The following SYNE2 variants were observed in gnomAD, a reference collection of about 807,000 sequenced individuals.
SYNE2 encodes the protein spectrin repeat containing nuclear envelope protein 2.
In SYNE2, 431 loss-of-function variants were observed where a neutral mutation model predicts 856.3. The observed-to-expected ratio is 0.50, with a 90% CI of 0.47 to 0.55. The LOEUF is 0.55. Among genes scored for constraint, SYNE2 ranks in the 20% least tolerant of loss-of-function variants. The probability of loss-of-function intolerance (pLI) is 0.00; values close to 1 mark genes in which losing one functional copy is unlikely to be tolerated. For synonymous variants in SYNE2, 2,923 were observed against 2,872.3 expected (o/e 1.02, Z -0.56); for missense variants, 8,129 against 8,023.2 (o/e 1.01, Z -0.50).
rs2097513056 is a variant in SYNE2, at chr14:64,080,641, A to G, written c.11346+3A>G. ...GTAGAACCTCACAGTTGAATAAGGT[A>G]TGGCTGTGACTCGTAATAGCTTCAT... On this transcript the variant is annotated splice_donor_region_variant and intron_variant, in intron 56 of 115. Transcript: ENST00000555002. The G allele has an allele frequency of 6.2e-7, 1 of 1,613,854 alleles. No individual in the cohort carries two copies. Among genetic ancestry groups the G allele is most frequent in the Non-Finnish European group, 8.5e-7 (1 of 1,179,900 alleles).
intron 66 of SYNE2, 88 bp from the exon 67 acceptor site, chr14:64,119,339 A>G: frequency 6.5e-7 from 1 of 1,531,826 alleles, no homozygotes; most frequent in South Asian, 1.1e-5. Flanking sequence ...TATACACTTA[A>G]GTAAAAAGAG....
chr14:63,851,488 G>T (rs1275869158), upstream of SYNE2, among the ~76,000 whole-genome samples: 1 of 152,202 alleles, frequency 6.6e-6, no homozygotes, highest in East Asian at 1.9e-4. Flanking sequence ...GATACCATTG[G>T]AAGGATAATC....
At chr14:63,826,888 A>G (rs576084491) in intron 1 of SYNE2, among the ~76,000 whole-genome samples, 5 of 152,328 alleles carry the variant, frequency 3.3e-5, no homozygotes, top group African/African-American at 1.2e-4. Flanking sequence ...TTGAGCTTTA[A>G]AAACTCCCCA....
intron 10 of SYNE2, 116 bp downstream of exon 10, chr14:63,964,116 T>G: frequency 1.4e-6 from 1 of 710,770 alleles, no homozygotes; most frequent in East Asian, 2.8e-5. Flanking sequence ...CACTGAAAGT[T>G]TTAAGGCTGA....
At chr14:64,165,477 T>C in intron 90 of SYNE2, 67 bp downstream of exon 90, 1 of 1,537,476 alleles carries the variant, frequency 6.5e-7, no homozygotes, top group Non-Finnish European at 9.0e-7. Flanking sequence ...ATAAGCTGAT[T>C]ACTGTGAACT....
rs530117378 is a variant in SYNE2 at position 64,183,776 on chromosome 14, C to T, written c.17557-2648C>T. ...CAAAAAAATACGAAAACCAGACAGA[C>T]GTGGTGGCGTGCGCCTGCAATCCCA... On this transcript the variant is annotated intron_variant, in intron 96 of 115. Transcript: ENST00000555002. Among the ~76,000 whole-genome samples the T allele has an allele frequency of 2.6e-5, 4 of 152,116 alleles. No homozygotes were observed. In the South Asian group the frequency reaches 6.2e-4, roughly 24 times the overall value.
chr14:64,135,554 G>T (rs1182520519), intron 78 of SYNE2, among the ~76,000 whole-genome samples: 5 of 152,068 alleles, frequency 3.3e-5, no homozygotes, highest in Admixed American at 2.6e-4. Context: ...GATACAGAAG[G>T]TATCATCTAA....
chr14:63,963,791 G>T, intron 9 of SYNE2, 108 bp from the exon 10 acceptor site: 1 of 726,106 alleles, frequency 1.4e-6, no homozygotes, highest in East Asian at 2.7e-5. Flanking sequence ...TGAATCATTG[G>T]TGTGTAATGA....
chr14:64,141,289 C>A (rs1394601217), intron 80 of SYNE2, 52 bp from the exon 81 acceptor site: 2 of 1,484,024 alleles, frequency 1.3e-6, no homozygotes, highest in African/African-American at 1.4e-5. Flanking sequence ...CCGACTCTTA[C>A]TTTCTGCTAT....
chr14:63,787,357 C>T (rs183103893), intron 1 of SYNE2, among the ~76,000 whole-genome samples: 3 of 152,266 alleles, frequency 2.0e-5, no homozygotes, highest in Admixed American at 6.5e-5. Context: ...CTACTCTTCC[C>T]AGTCTCTGGT....
At chr14:63,973,631 C>CAAAAAAAA (rs60498158) in intron 11 of SYNE2, among the ~76,000 whole-genome samples, 1 of 67,810 alleles carries the variant, frequency 1.5e-5, no homozygotes, top group Non-Finnish European at 2.8e-5. Flanking sequence ...GAGTCCATCT[C>CAAAAAAAA]AAAAAAAAAA....
intron 1 of SYNE2, among the ~76,000 whole-genome samples, chr14:63,825,812 GC>G (rs1378392481): frequency 6.6e-6 from 1 of 152,002 alleles, no homozygotes; most frequent in Non-Finnish European, 1.5e-5. Flanking sequence ...GGAGGCAAAG[GC>G]AGGGAGCCAA....
chr14:64,120,545 C>T (rs2097890301), intron 67 of SYNE2, among the ~76,000 whole-genome samples: 1 of 151,878 alleles, frequency 6.6e-6, no homozygotes, highest in Admixed American at 6.6e-5. Flanking sequence ...AGGCAGATCA[C>T]CTGAGGTCAG....
At chr14:64,110,628 C>A (rs547118043) in intron 65 of SYNE2, among the ~76,000 whole-genome samples, 1 of 126,220 alleles carries the variant, frequency 7.9e-6, no homozygotes, top group South Asian at 2.8e-4. Flanking sequence ...ATAAAACATC[C>A]ATTTAAATAA....
At chr14:64,060,052 G>A (rs962891710) in intron 49 of SYNE2, among the ~76,000 whole-genome samples, 8 of 152,182 alleles carry the variant, frequency 5.3e-5, no homozygotes, top group Non-Finnish European at 1.2e-4. Flanking sequence ...ATTCAGGACA[G>A]TGGGCTCGCT....
rs1040587964 is a variant in SYNE2, at chr14:63,967,571, A to G, written c.991-138A>G. ...TGAAGAAGGAAACCAGAGCAGAGAG[A>G]GGATACTGGATTCAGGGGATTTTAC... is the stretch of plus-strand genomic sequence containing the variant. On this transcript the variant is annotated intron_variant, in intron 10 of 115. Coordinates refer to ENST00000555002, the MANE Select transcript of SYNE2 (RefSeq NM_182914.3). The G allele has an allele frequency of 4.4e-5, 35 of 787,714 alleles. No homozygotes were observed. The Admixed American group carries it at 8.8e-4, about 20-fold the overall frequency. 48.8% of individuals were successfully genotyped at this position (787,714 alleles called of 1,614,324 possible).
chr14:63,947,844 A>T (rs1301955473), intron 6 of SYNE2, among the ~76,000 whole-genome samples: 2 of 152,060 alleles, frequency 1.3e-5, no homozygotes, highest in Non-Finnish European at 2.9e-5. Flanking sequence ...TCTAAAAAAA[A>T]AAGAAAGAAA....
In SYNE2 at chr14:64,017,621, T is replaced by A; in HGVS notation, c.4914T>A (p.Tyr1638Ter). Residue 1638 changes from tyrosine to a stop codon, truncating the protein, a stop_gained, in exon 34 of 116, where the codon TAT becomes TAA. Coordinates refer to ENST00000555002, the MANE Select transcript of SYNE2 (RefSeq NM_182914.3). LOFTEE classifies it high-confidence loss of function. Reference sequence around the variant, plus strand: ...TAAATGAGAAGACAGAAGATTACTATGAAAATCTTGGTCGAGCTCTAGCTT... The same window carrying A: ...TAAATGAGAAGACAGAAGATTACTAAGAAAATCTTGGTCGAGCTCTAGCTT... ...LDINEKTEDY[Y>*]ENLGRALALW... The A allele has an allele frequency of 6.2e-7, 1 of 1,612,966 alleles. No homozygotes were observed. The highest frequency in any genetic ancestry group is 8.5e-7 in the Non-Finnish European group (1 of 1,179,292).
chr14:63,820,329 G>C (rs1889167633), intron 1 of SYNE2, among the ~76,000 whole-genome samples: 1 of 151,950 alleles, frequency 6.6e-6, no homozygotes, highest in Non-Finnish European at 1.5e-5. Context: ...TTAACAAATG[G>C]AACTAGAAAA....
Sources: gnomAD v4.1 joint callset for allele counts (sites outside exome capture counted in the v4.1 genomes callset) on GRCh38, gnomAD v4.1.1 for gene constraint, MANE v1.5 for transcripts, NCBI Gene and HGNC (gene_info 2026-07-23, HGNC 2026-07-21) for gene names.